ETV6: variants seen among roughly 807,000 people sequenced by gnomAD.
ETV6 encodes ETS variant transcription factor 6.
In ETV6, 16 loss-of-function variants were observed where a neutral mutation model predicts 51.1. That is an observed-to-expected ratio of 0.31 (90% CI 0.21 to 0.48). The LOEUF (loss-of-function observed/expected upper bound fraction) is 0.48. Ranked by LOEUF, ETV6 falls within the 20% of genes least tolerant of loss-of-function variation. The pLI is 0.99. For synonymous variants in ETV6, 240 were observed against 224.1 expected, an observed-to-expected ratio of 1.07 and a Z score of -0.64; for missense variants, 458 against 594.8, an observed-to-expected ratio of 0.77 and a Z score of 2.39.
intron 5 of ETV6, among the ~76,000 whole-genome samples, chr12:11,882,856 TC>T (rs954332611): frequency 4.6e-5 from 7 of 152,186 alleles, no homozygotes; most frequent in Non-Finnish European, 7.3e-5. Flanking sequence ...AACTGGACAC[TC>T]CCCTTTCAAA....
rs761268438 is a variant in ETV6 at position 11,869,812 on chromosome 12, C to T, written c.852C>T (p.Ser284=). Residue 284 remains serine, a synonymous_variant, in exon 5 of 8, where the codon TCC becomes TCT. Coordinates refer to ENST00000396373, the MANE Select transcript of ETV6 (RefSeq NM_001987.5). The surrounding 1 kb of genome is among the most constrained non-coding windows in gnomAD (Gnocchi z 5.0). ...MHPLILNPRH[S]VDFKQSRLSE... Reference sequence around the variant, plus strand: ...CTCTGATCCTGAACCCCCGGCACTCCGTGGATTTCAAACAGTCCAGGCTCT... The same window carrying T: ...CTCTGATCCTGAACCCCCGGCACTCTGTGGATTTCAAACAGTCCAGGCTCT... 21 of 1,613,332 alleles carry T rather than the reference C, an allele frequency of 1.3e-5. No homozygotes were observed. Among genetic ancestry groups the T allele is most frequent in the South Asian group, 5.5e-5 (5 of 91,082 alleles).
At chr12:11,888,398 C>CTTTTTTTT (rs1555148147) in intron 7 of ETV6, among the ~76,000 whole-genome samples, 2 of 80,694 alleles carry the variant, frequency 2.5e-5, no homozygotes, top group Non-Finnish European at 5.0e-5. Context: ...CTTTTCTTTT[C>CTTTTTTTT]TTTTTTTTTT....
intron 1 of ETV6, among the ~76,000 whole-genome samples, chr12:11,685,429 A>G (rs548065362): frequency 6.6e-6 from 1 of 152,204 alleles, no homozygotes; most frequent in Non-Finnish European, 1.5e-5. Flanking sequence ...GTGTAATAAC[A>G]GAGCTCTATT....
At chr12:11,822,537 G>T (rs933242475) in intron 2 of ETV6, among the ~76,000 whole-genome samples, 1 of 152,172 alleles carries the variant, frequency 6.6e-6, no homozygotes, top group Non-Finnish European at 1.5e-5. Context: ...TTATAAAACC[G>T]GAAGAGTGTT....
intron 2 of ETV6, among the ~76,000 whole-genome samples, chr12:11,793,387 C>T (rs1016070609): frequency 1.3e-5 from 2 of 152,246 alleles, no homozygotes; most frequent in African/African-American, 4.8e-5. Context: ...CTGCTTACCA[C>T]AGGTGCCTGG....
At chr12:11,659,880 T>C (rs1280910957) in intron 1 of ETV6, among the ~76,000 whole-genome samples, 2 of 152,148 alleles carry the variant, frequency 1.3e-5, no homozygotes, top group Non-Finnish European at 2.9e-5. Context: ...CACTTGCAGG[T>C]GTGGCCTGGA....
At chr12:11,877,815 A>C (rs150675178) in intron 5 of ETV6, among the ~76,000 whole-genome samples, 175 of 152,334 alleles carry the variant, frequency 1.1e-3, no homozygotes, top group African/African-American at 3.8e-3. Flanking sequence ...TGAGAATAGT[A>C]ATACCCATTT....
intron 2 of ETV6, among the ~76,000 whole-genome samples, chr12:11,783,281 G>A (rs1269296748): frequency 6.6e-6 from 1 of 152,112 alleles, no homozygotes; most frequent in Non-Finnish European, 1.5e-5. Context: ...ATTTCAGGAA[G>A]GAAAGAATGA....
At chr12:11,726,872 G>A (rs1865498027) in intron 1 of ETV6, among the ~76,000 whole-genome samples, 1 of 152,212 alleles carries the variant, frequency 6.6e-6, no homozygotes, top group African/African-American at 2.4e-5. Context: ...ACACTGCAGT[G>A]TAAGCCATCG....
At chr12:11,844,086 C>T (rs372239812) in intron 3 of ETV6, among the ~76,000 whole-genome samples, 31 of 151,912 alleles carry the variant, frequency 2.0e-4, no homozygotes, top group South Asian at 1.2e-3. Flanking sequence ...TACTTGACTA[C>T]TTTGAGACTC....
Position 11,893,421 on chromosome 12 carries a change from A to T in ETV6, c.*2375A>T, listed in dbSNP as rs1947327772. 1 of 231,848 alleles carries T rather than the reference A, an allele frequency of 4.3e-6. No individual in the cohort carries two copies. The highest frequency in any genetic ancestry group is 8.5e-6 in the Non-Finnish European group (1 of 117,298). The allele number at this position is 231,848 out of a possible 1,614,324, so 14.4% of individuals were successfully genotyped here. ...TTGCCCCAAGCATTTCTATATTTAA[A>T]GCAATATCCCAGGAGAATATGTTAG... On this transcript the variant is annotated 3_prime_UTR_variant, in exon 8 of 8. Transcript: ENST00000396373.
At position 11,869,549 on chromosome 12, in the gene ETV6, G is replaced by A; in HGVS notation, c.589G>A (p.Glu197Lys). 6.2e-7 allele frequency: 1 copy of A among 1,614,058 alleles called. No individual in the cohort carries two copies. Among genetic ancestry groups the A allele is most frequent in the Non-Finnish European group, 8.5e-7 (1 of 1,180,002 alleles). Residue 197 changes from glutamate (E) to lysine (K), a missense_variant, in exon 5 of 8, where the codon GAG becomes AAG. Transcript: ENST00000396373. This position sits in a 1 kb window ranked among gnomAD's most constrained non-coding sequence, Gnocchi z 5.0. Reference protein sequence around the residue: ...TTNHRPSPDPEQRPLRSPLDN... With the variant: ...TTNHRPSPDPKQRPLRSPLDN... Reference sequence around the variant, plus strand: ...AAATCACCGGCCTTCTCCTGACCCCGAGCAGCGGCCCCTCCGGTCCCCCCT... The same window carrying A: ...AAATCACCGGCCTTCTCCTGACCCCAAGCAGCGGCCCCTCCGGTCCCCCCT...
chr12:11,794,159 G>A (rs1424408178), intron 2 of ETV6, among the ~76,000 whole-genome samples: 3 of 152,158 alleles, frequency 2.0e-5, no homozygotes, highest in Non-Finnish European at 4.4e-5. Context: ...AAGCCCAGTC[G>A]ATCAATCAGC....
At chr12:11,818,783 G>A (rs1047733399) in intron 2 of ETV6, among the ~76,000 whole-genome samples, 3 of 152,074 alleles carry the variant, frequency 2.0e-5, no homozygotes, top group African/African-American at 7.2e-5. Flanking sequence ...TGGTTCTGGA[G>A]TCCCTCCTAC....
intron 2 of ETV6, among the ~76,000 whole-genome samples, chr12:11,785,406 A>G (rs572191940): frequency 6.6e-6 from 1 of 152,162 alleles, no homozygotes; most frequent in South Asian, 2.1e-4. Flanking sequence ...ATTTATCACC[A>G]TTTGACACAG....
At chr12:11,782,276 G>T (rs1945424421) in intron 2 of ETV6, among the ~76,000 whole-genome samples, 1 of 152,048 alleles carries the variant, frequency 6.6e-6, no homozygotes, top group East Asian at 1.9e-4. Context: ...GTCAGTGGTA[G>T]ATGTGAACAA....
chr12:11,872,763 T>C (rs1181530716), intron 5 of ETV6, among the ~76,000 whole-genome samples: 1 of 152,186 alleles, frequency 6.6e-6, no homozygotes. Flanking sequence ...CCTAAATTGC[T>C]GGGATTACAG....
intron 1 of ETV6, among the ~76,000 whole-genome samples, chr12:11,733,805 T>C (rs960580070): frequency 6.6e-6 from 1 of 152,204 alleles, no homozygotes; most frequent in Non-Finnish European, 1.5e-5. Context: ...CTGAAGAGTT[T>C]ACTTGTAAAT....
At chr12:11,852,358 C>G (rs1946569159) in intron 3 of ETV6, among the ~76,000 whole-genome samples, 1 of 152,216 alleles carries the variant, frequency 6.6e-6, no homozygotes, top group African/African-American at 2.4e-5. Context: ...AACCTTGGAG[C>G]AATGCCTGTG....
Sources: gnomAD v4.1 joint callset for allele counts (sites outside exome capture counted in the v4.1 genomes callset) on GRCh38, gnomAD v4.1.1 for gene constraint, Gnocchi (gnomAD v3.1) non-coding constraint, MANE v1.5 for transcripts, NCBI Gene and HGNC (gene_info 2026-07-23, HGNC 2026-07-21) for gene names.